PDE8B: variants seen among roughly 807,000 people sequenced by gnomAD.
The protein encoded by PDE8B is high affinity cAMP-specific and IBMX-insensitive 3',5'-cyclic phosphodiesterase 8B.
A neutral mutation model predicts 101.3 loss-of-function variants in PDE8B; 26 were observed. The ratio of observed to expected loss-of-function variants is 0.26; its 90% confidence interval spans 0.19 to 0.36. The LOEUF (loss-of-function observed/expected upper bound fraction) is 0.36. Ranked by LOEUF, PDE8B falls within the 10% of genes least tolerant of loss-of-function variation. PDE8B has a pLI of 1.00. For missense variants in PDE8B, 810 were observed against 1,163.1 expected (o/e 0.70, Z 4.42); for synonymous variants, 424 against 429.3 (o/e 0.99, Z 0.15).
At chr5:77,303,249 T>C (rs187309287) in intron 1 of PDE8B, among the ~76,000 whole-genome samples, 2 of 152,238 alleles carry the variant, frequency 1.3e-5, no homozygotes, top group Admixed American at 1.3e-4. Flanking sequence ...CTTAAAAAAA[T>C]AGGTCATACG....
chr5:77,212,319 A>G (rs1385506299), intron 1 of PDE8B, among the ~76,000 whole-genome samples: 1 of 152,246 alleles, frequency 6.6e-6, no homozygotes, highest in African/African-American at 2.4e-5. Flanking sequence ...TTTGTCAAAG[A>G]CACATTTGTA....
At chr5:77,181,910 C>T in the PDE8B span, among the ~76,000 whole-genome samples, 1 of 152,190 alleles carries the variant, frequency 6.6e-6, no homozygotes, top group African/African-American at 2.4e-5. Flanking sequence ...ATTTTATAAC[C>T]CAGCAGTTCG....
chr5:77,121,514 T>G, the PDE8B span, among the ~76,000 whole-genome samples: 2 of 151,560 alleles, frequency 1.3e-5, no homozygotes, highest in East Asian at 1.9e-4. Flanking sequence ...GCTTCCTTTT[T>G]TTTTTTTTTT....
chr5:77,274,643 T>C (rs1763480813), intron 1 of PDE8B, among the ~76,000 whole-genome samples: 1 of 152,182 alleles, frequency 6.6e-6, no homozygotes, highest in Non-Finnish European at 1.5e-5. Flanking sequence ...GCTTTATTGA[T>C]CTCATCAAAT....
At chr5:77,158,607 G>T in the PDE8B span, among the ~76,000 whole-genome samples, 1 of 152,154 alleles carries the variant, frequency 6.6e-6, no homozygotes, top group Non-Finnish European at 1.5e-5. Context: ...TGTGGATGGA[G>T]CCTGGGTGGG....
intron 10 of PDE8B, among the ~76,000 whole-genome samples, chr5:77,368,910 G>T (rs1244762264): frequency 6.6e-6 from 1 of 152,070 alleles, no homozygotes; most frequent in African/African-American, 2.4e-5. Flanking sequence ...AAAGACAAAA[G>T]AAAAAGAAGA....
intron 10 of PDE8B, among the ~76,000 whole-genome samples, chr5:77,363,998 G>A (rs1196856907): frequency 6.6e-6 from 1 of 152,190 alleles, no homozygotes; most frequent in Non-Finnish European, 1.5e-5. Flanking sequence ...GGATGGGCCT[G>A]TTTACGTGAT....
chr5:77,344,874 A>G lies in PDE8B; in HGVS notation c.819A>G (p.Thr273=). The G allele has an allele frequency of 1.2e-6, 2 of 1,610,414 alleles. No homozygotes were observed. Among genetic ancestry groups the G allele is most frequent in the Non-Finnish European group, 1.7e-6 (2 of 1,176,548 alleles). ...FKLRACNSVF[T]ALDHCHEAIE... The stretch of plus-strand genomic sequence containing the variant: ...TCAGGGCCTGTAATTCAGTGTTTAC[A>G]GCATTAGATCACTGTCATGAAGCCA... Residue 273 remains threonine (T), a synonymous_variant, in exon 7 of 22, where the codon ACA becomes ACG. Transcript: ENST00000264917.
intron 1 of PDE8B, among the ~76,000 whole-genome samples, chr5:77,239,706 C>A (rs1204284016): frequency 6.6e-6 from 1 of 152,168 alleles, no homozygotes; most frequent in African/African-American, 2.4e-5. Context: ...TTAAAACTTT[C>A]CACACATCTT....
intron 10 of PDE8B, among the ~76,000 whole-genome samples, chr5:77,371,540 A>C (rs1785089360): frequency 6.6e-6 from 1 of 152,192 alleles, no homozygotes; most frequent in Non-Finnish European, 1.5e-5. Flanking sequence ...AAGTTCTTCA[A>C]CTTAACATTG....
chr5:77,101,862 G>A, the PDE8B span, among the ~76,000 whole-genome samples: 27 of 152,106 alleles, frequency 1.8e-4, no homozygotes, highest in African/African-American at 5.1e-4. Flanking sequence ...CAGAGGCTGC[G>A]GGGTGGGGGA....
chr5:77,378,549 CTG>C (rs1786799610), intron 10 of PDE8B, among the ~76,000 whole-genome samples: 1 of 148,474 alleles, frequency 6.7e-6, no homozygotes. Flanking sequence ...GTTTCTCAAA[CTG>C]TAGTGTGTAA....
intron 10 of PDE8B, among the ~76,000 whole-genome samples, chr5:77,358,078 G>A (rs978866301): frequency 2.0e-5 from 3 of 152,150 alleles, no homozygotes; most frequent in Admixed American, 6.5e-5. Flanking sequence ...TGGTGTGGCC[G>A]ATGGGCCTTC....
chr5:77,154,503 C>T, the PDE8B span, among the ~76,000 whole-genome samples: 2 of 152,296 alleles, frequency 1.3e-5, no homozygotes, highest in East Asian at 1.9e-4. Context: ...TCAGGAGAAT[C>T]GGTCATGAAA....
intron 12 of PDE8B, among the ~76,000 whole-genome samples, chr5:77,406,264 C>G (rs1454712448): frequency 6.6e-6 from 1 of 151,636 alleles, no homozygotes; most frequent in Non-Finnish European, 1.5e-5. Flanking sequence ...GCAACAAGAG[C>G]GAAACTCCAT....
intron 13 of PDE8B, among the ~76,000 whole-genome samples, chr5:77,408,255 T>A (rs145303820): frequency 3.2e-4 from 49 of 152,326 alleles, no homozygotes; most frequent in African/African-American, 1.2e-3. Flanking sequence ...ATGTCAGGCA[T>A]GGCCCTCCCA....
chr5:77,383,514 G>A (rs1787929885), intron 10 of PDE8B, among the ~76,000 whole-genome samples: 1 of 152,090 alleles, frequency 6.6e-6, no homozygotes, highest in Non-Finnish European at 1.5e-5. Context: ...CTGACTTCAT[G>A]ATTAAAACAT....
intron 2 of PDE8B, among the ~76,000 whole-genome samples, chr5:77,320,764 G>A (rs994667197): frequency 2.6e-5 from 4 of 152,072 alleles, no homozygotes; most frequent in African/African-American, 9.7e-5. Flanking sequence ...AACACCATTA[G>A]TAATGATTTT....
chr5:77,108,854 G>T, the PDE8B span, among the ~76,000 whole-genome samples: 1 of 152,026 alleles, frequency 6.6e-6, no homozygotes, highest in African/African-American at 2.4e-5. Flanking sequence ...TTTGGTTATT[G>T]TTATGATTCA....
Sources: gnomAD v4.1 joint callset for allele counts (sites outside exome capture counted in the v4.1 genomes callset) on GRCh38, gnomAD v4.1.1 for gene constraint, MANE v1.5 for transcripts, NCBI Gene and HGNC (gene_info 2026-07-23, HGNC 2026-07-21) for gene names.